The following LTBP1 variants were observed in gnomAD, a reference collection of about 807,000 sequenced individuals.
LTBP1 encodes the protein latent-transforming growth factor beta-binding protein 1.
In LTBP1, 129 loss-of-function variants were observed where a neutral mutation model predicts 207.6. That is an observed-to-expected ratio of 0.62 (90% CI 0.54 to 0.72). The LOEUF is 0.72. Ranked by LOEUF, LTBP1 falls within the 30% of genes least tolerant of loss-of-function variation. The pLI is 0.00. For missense variants in LTBP1, 2,281 were observed against 2,217.2 expected (o/e 1.03, Z -0.58); for synonymous variants, 963 against 833.7 (o/e 1.16, Z -2.67).
At chr2:33,246,606 T>A (rs1380110091) in intron 10 of LTBP1, among the ~76,000 whole-genome samples, 1 of 152,122 alleles carries the variant, frequency 6.6e-6, no homozygotes, top group Non-Finnish European at 1.5e-5. Flanking sequence ...TGACAACATT[T>A]GCTAGGACAG....
chr2:33,208,760 T>G (rs747949927), intron 7 of LTBP1, among the ~76,000 whole-genome samples: 1 of 152,104 alleles, frequency 6.6e-6, no homozygotes. Context: ...ATTTTATGGG[T>G]TGATGCAACT....
intron 24 of LTBP1, among the ~76,000 whole-genome samples, chr2:33,341,733 T>G (rs1024056000): frequency 7.5e-6 from 1 of 132,534 alleles, no homozygotes; most frequent in Non-Finnish European, 1.6e-5. Flanking sequence ...AAAAAAAATA[T>G]ATATATATAT....
At chr2:33,213,601 C>G (rs2090468795) in intron 7 of LTBP1, among the ~76,000 whole-genome samples, 1 of 152,194 alleles carries the variant, frequency 6.6e-6, no homozygotes, top group Admixed American at 6.5e-5. Context: ...TTTCCTACAT[C>G]CAGGTGAGAC....
rs6724967 is a variant in LTBP1 at position 33,156,909 on chromosome 2, G to A, written c.1201+21949G>A. On this transcript the variant is annotated intron_variant, in intron 5 of 33. Transcript: ENST00000404816. ...TTATCTTACTGTATATATATTTAATGAATTTTAAGAGAATTCAAAGAACTT... is the reference window on the plus strand; with the variant it reads ...TTATCTTACTGTATATATATTTAATAAATTTTAAGAGAATTCAAAGAACTT... Among the ~76,000 whole-genome samples, 1,238 of 152,190 alleles carry A rather than the reference G, an allele frequency of 8.1e-3. 20 individuals are homozygous for A. Among genetic ancestry groups the A allele is most frequent in the African/African-American group, 0.028 (1,176 of 41,528 alleles).
chr2:33,154,015 C>T (rs1424277308), intron 5 of LTBP1, among the ~76,000 whole-genome samples: 1 of 152,182 alleles, frequency 6.6e-6, no homozygotes, highest in African/African-American at 2.4e-5. Flanking sequence ...TGTCAGGAGG[C>T]ACTTCTCTGT....
At chr2:33,372,689 C>T (rs529345151) in intron 31 of LTBP1, among the ~76,000 whole-genome samples, 51 of 152,268 alleles carry the variant, frequency 3.3e-4, no homozygotes, top group African/African-American at 1.2e-3. Context: ...GCCTGGCCAA[C>T]GTGGTGAAAC....
At chr2:33,275,774 C>G (rs775578333) in intron 17 of LTBP1, 27 bp from the exon 18 acceptor site, 14 of 1,613,082 alleles carry the variant, frequency 8.7e-6, no homozygotes, top group Non-Finnish European at 1.1e-5. Flanking sequence ...GAACACAAAA[C>G]TCAACAATGC....
At chr2:33,033,090 A>G (rs2149334541) in intron 3 of LTBP1, among the ~76,000 whole-genome samples, 1 of 152,372 alleles carries the variant, frequency 6.6e-6, no homozygotes, top group South Asian at 2.1e-4. Flanking sequence ...GGGACTTTCA[A>G]TTTCACATGT....
At chr2:33,087,830 T>A (rs867452059) in intron 3 of LTBP1, among the ~76,000 whole-genome samples, 1 of 152,218 alleles carries the variant, frequency 6.6e-6, no homozygotes, top group African/African-American at 2.4e-5. Flanking sequence ...TTATGAGCCA[T>A]ACCATCATGT....
At chr2:33,103,899 T>A (rs556774221) in intron 3 of LTBP1, among the ~76,000 whole-genome samples, 1 of 152,106 alleles carries the variant, frequency 6.6e-6, no homozygotes, top group African/African-American at 2.4e-5. Context: ...CCCTGCACTT[T>A]CCTCCTGAAT....
At chr2:33,177,745 T>A (rs1234349293) in intron 5 of LTBP1, among the ~76,000 whole-genome samples, 1 of 152,178 alleles carries the variant, frequency 6.6e-6, no homozygotes, top group Non-Finnish European at 1.5e-5. Flanking sequence ...CATCTGCCAA[T>A]GGAATATTAT....
chr2:33,345,958 C>T (rs1443533857), intron 25 of LTBP1, among the ~76,000 whole-genome samples: 4 of 152,160 alleles, frequency 2.6e-5, no homozygotes, highest in Non-Finnish European at 4.4e-5. Context: ...CACTATGGGA[C>T]AACATCAAAC....
At chr2:33,135,976 G>A (rs2082115690) in intron 5 of LTBP1, among the ~76,000 whole-genome samples, 1 of 152,098 alleles carries the variant, frequency 6.6e-6, no homozygotes, top group South Asian at 2.1e-4. Context: ...CTGGGGGGGT[G>A]GTAGGAGAAG....
chr2:33,212,823 A>C (rs2090411828), intron 7 of LTBP1, among the ~76,000 whole-genome samples: 1 of 152,224 alleles, frequency 6.6e-6, no homozygotes, highest in Non-Finnish European at 1.5e-5. Context: ...TGCTCGTTGG[A>C]ACAATTTAGA....
At position 33,269,965 on chromosome 2, in the gene LTBP1, CTTT is replaced by C. The variant is rs35142617; in HGVS notation, c.2618-3675_2618-3673del. On this transcript the variant is annotated intron_variant, in intron 15 of 33. Coordinates refer to ENST00000404816, the MANE Select transcript of LTBP1 (RefSeq NM_206943.4). The stretch of plus-strand genomic sequence containing the variant: ...ATTTATTTTTTTACCTGATATTCAA[CTTT>C]TTTTTTTTTTTTTTTGAGGCAAAGT... Among the ~76,000 whole-genome samples the C allele has an allele frequency of 2.6e-3, 338 of 129,770 alleles. 1 individual carries two copies. Among genetic ancestry groups the C allele is most frequent in the African/African-American group, 7.6e-3 (270 of 35,556 alleles). The allele number at this position is 129,770 out of a possible 152,430, so 85.1% of individuals were successfully genotyped here.
At chr2:33,022,828 A>G (rs2075239648) in intron 3 of LTBP1, among the ~76,000 whole-genome samples, 1 of 152,232 alleles carries the variant, frequency 6.6e-6, no homozygotes, top group South Asian at 2.1e-4. Flanking sequence ...ACTGTGTTCT[A>G]ATAAAACTTT....
At chr2:33,195,849 A>G (rs2088486814) in intron 7 of LTBP1, among the ~76,000 whole-genome samples, 1 of 152,186 alleles carries the variant, frequency 6.6e-6, no homozygotes, top group Admixed American at 6.5e-5. Context: ...CTGTTGTCTT[A>G]TTTTAAGAAA....
chr2:33,322,491 A>C (rs1469121423), intron 24 of LTBP1, among the ~76,000 whole-genome samples: 1 of 152,264 alleles, frequency 6.6e-6, no homozygotes, highest in East Asian at 1.9e-4. Flanking sequence ...TTAAGCAACT[A>C]TCTTGGTCTC....
In LTBP1 at chr2:32,977,731, G is replaced by A. The variant is rs141543782; in HGVS notation, c.565+28786G>A. Among the ~76,000 whole-genome samples, 155 of 152,224 alleles carry A rather than the reference G, an allele frequency of 1.0e-3. 1 individual carries two copies. The highest frequency in any genetic ancestry group is 3.6e-3 in the African/African-American group (149 of 41,542). ...GCTCTCACTCACCACTCCCTTGTTG[G>A]GGAGCTTCTCATGGGTCTGTGTTGA... On this transcript the variant is annotated intron_variant, in intron 2 of 33. Transcript: ENST00000404816.
Sources: allele counts gnomAD v4.1 joint callset (sites outside exome capture counted in the v4.1 genomes callset), GRCh38; gene constraint gnomAD v4.1.1; transcripts MANE v1.5; gene names NCBI Gene and HGNC (gene_info 2026-07-23, HGNC 2026-07-21).